The following PCDHA9 variants were observed in gnomAD, a reference collection of about 807,000 sequenced individuals.
The protein encoded by PCDHA9 is protocadherin alpha-9.
PCDHA9 carries 62 observed loss-of-function variants against 62.0 expected under a neutral mutation model. The observed-to-expected ratio is 1.00, with a 90% CI of 0.81 to 1.23. The LOEUF (loss-of-function observed/expected upper bound fraction) is 1.23. Among genes scored for constraint, PCDHA9 ranks in the 50% most tolerant of loss-of-function variants. The probability of loss-of-function intolerance (pLI) is 0.00; values close to 1 mark genes in which losing one functional copy is unlikely to be tolerated. For missense variants in PCDHA9, 1,205 were observed against 1,249.8 expected, an observed-to-expected ratio of 0.96 and a Z score of 0.54; for synonymous variants, 557 against 567.6, an observed-to-expected ratio of 0.98 and a Z score of 0.27.
chr5:140,924,472 G>A (rs938412564), intron 1 of PCDHA9, among the ~76,000 whole-genome samples: 1 of 152,188 alleles, frequency 6.6e-6, no homozygotes, highest in African/African-American at 2.4e-5. Flanking sequence ...GAGGTAACTG[G>A]TTTTTAGTGG....
At chr5:140,995,860 A>C (rs1220139939) in intron 3 of PCDHA9, among the ~76,000 whole-genome samples, 1 of 152,220 alleles carries the variant, frequency 6.6e-6, no homozygotes, top group Non-Finnish European at 1.5e-5. Flanking sequence ...CGTATCACTT[A>C]ATAATTGTGC....
chr5:140,937,653 C>G (rs930742748), intron 1 of PCDHA9, among the ~76,000 whole-genome samples: 1 of 151,298 alleles, frequency 6.6e-6, no homozygotes, highest in Non-Finnish European at 1.5e-5. Context: ...TGGCTCACGC[C>G]TGTAATCCCA....
chr5:140,870,917 G>A, intron 1 of PCDHA9: 1 of 1,613,936 alleles, frequency 6.2e-7, no homozygotes, highest in Non-Finnish European at 8.5e-7. Flanking sequence ...TACAACGCGT[G>A]GCTTTCATAT....
At chr5:140,905,135 T>A (rs2071619691) in intron 1 of PCDHA9, among the ~76,000 whole-genome samples, 1 of 152,208 alleles carries the variant, frequency 6.6e-6, no homozygotes, top group Non-Finnish European at 1.5e-5. Context: ...GAAGAGTTTT[T>A]CTGCTGTTAT....
intron 1 of PCDHA9, among the ~76,000 whole-genome samples, chr5:140,971,573 CT>C (rs1203027280): frequency 6.6e-6 from 1 of 152,110 alleles, no homozygotes; most frequent in African/African-American, 2.4e-5. Flanking sequence ...GTTGGGCTTT[CT>C]TTTTTTCCTA....
In PCDHA9 at chr5:141,010,181, C is replaced by G; in HGVS notation, c.*244C>G. The G allele has an allele frequency of 2.6e-6, 4 of 1,554,386 alleles. No individual in the cohort carries two copies. Among genetic ancestry groups the G allele is most frequent in the Non-Finnish European group, 3.5e-6 (4 of 1,148,120 alleles). On this transcript the variant is annotated 3_prime_UTR_variant, in exon 4 of 4. Transcript: ENST00000532602. ...TTGTTTTCAGAACCTAAAAAGCAGA[C>G]CCAAGTTTCCTTTCTCCTCCGCCGC... is the stretch of plus-strand genomic sequence containing the variant.
intron 1 of PCDHA9, among the ~76,000 whole-genome samples, chr5:140,894,192 T>C (rs1554185971): frequency 4.6e-5 from 7 of 152,168 alleles, no homozygotes; most frequent in Non-Finnish European, 1.5e-5. Flanking sequence ...TTATATATTT[T>C]TTCTATGCTA....
At chr5:140,862,667 AG>A in intron 1 of PCDHA9, 1 of 548,534 alleles carries the variant, frequency 1.8e-6, no homozygotes, top group Admixed American at 1.9e-5. Context: ...CGGGACGCGC[AG>A]GAGAACGTGC....
chr5:140,852,181 G>A, intron 1 of PCDHA9: 3 of 755,216 alleles, frequency 4.0e-6, no homozygotes, highest in Non-Finnish European at 5.0e-6. Flanking sequence ...AAATAACTAT[G>A]AAAATGCCAG....
At chr5:140,864,471 G>A (rs924017911) in intron 1 of PCDHA9, 23 of 152,218 alleles carry the variant, frequency 1.5e-4, no homozygotes, top group African/African-American at 5.3e-4. Context: ...TTTTTGAGAT[G>A]TTGATTGCAG....
chr5:140,889,424 A>G (rs2062220483), intron 1 of PCDHA9, among the ~76,000 whole-genome samples: 1 of 151,956 alleles, frequency 6.6e-6, no homozygotes, highest in African/African-American at 2.4e-5. Context: ...CGTAGATAAT[A>G]TTTTTTCAGG....
intron 1 of PCDHA9, among the ~76,000 whole-genome samples, chr5:140,939,605 G>GAACAAGGA (rs1468383916): frequency 1.3e-5 from 2 of 152,082 alleles, no homozygotes; most frequent in African/African-American, 4.8e-5. Flanking sequence ...CTCAAAAACA[G>GAACAAGGA]AACAAGGAGA....
intron 1 of PCDHA9, chr5:140,877,314 G>A (rs2057020187): frequency 6.2e-7 from 1 of 1,613,972 alleles, no homozygotes; most frequent in Admixed American, 1.7e-5. Context: ...TGCAACCGGC[G>A]GCGGTCGGCG....
At chr5:140,871,783 G>C (rs1460496699) in intron 1 of PCDHA9, among the ~76,000 whole-genome samples, 3 of 152,196 alleles carry the variant, frequency 2.0e-5, no homozygotes, top group African/African-American at 7.2e-5. Flanking sequence ...GTAGTCACTT[G>C]AGTAGAAATA....
chr5:140,854,193 C>T (rs989719684), intron 1 of PCDHA9: 2 of 563,742 alleles, frequency 3.5e-6, no homozygotes, highest in African/African-American at 2.1e-5. Flanking sequence ...TTTAACTACT[C>T]CCTACTTTTT....
At chr5:140,976,597 G>A (rs1477005420) in intron 1 of PCDHA9, among the ~76,000 whole-genome samples, 1 of 152,062 alleles carries the variant, frequency 6.6e-6, no homozygotes, top group South Asian at 2.1e-4. Flanking sequence ...TTTGTGTTAA[G>A]GGGACCTAAA....
chr5:140,935,108 A>G (rs1181696268), intron 1 of PCDHA9, among the ~76,000 whole-genome samples: 3 of 152,148 alleles, frequency 2.0e-5, no homozygotes, highest in Non-Finnish European at 4.4e-5. Context: ...TTTTTCAAAG[A>G]GCTTTCACTT....
intron 1 of PCDHA9, among the ~76,000 whole-genome samples, chr5:140,891,471 C>T (rs1239816606): frequency 6.6e-6 from 1 of 151,474 alleles, no homozygotes; most frequent in Non-Finnish European, 1.5e-5. Flanking sequence ...GAATTAATGC[C>T]TTTACATCAC....
chr5:140,978,506 C>T (rs914101151), intron 1 of PCDHA9, among the ~76,000 whole-genome samples: 22 of 152,244 alleles, frequency 1.4e-4, no homozygotes, highest in African/African-American at 4.1e-4. Context: ...GATTGCAGTC[C>T]TCTGCAGTCC....
Sources: allele counts gnomAD v4.1 joint callset (sites outside exome capture counted in the v4.1 genomes callset), GRCh38; gene constraint gnomAD v4.1.1; transcripts MANE v1.5; gene names NCBI Gene and HGNC (gene_info 2026-07-23, HGNC 2026-07-21).